The following MRAP2 variants were observed in gnomAD, a reference collection of about 807,000 sequenced individuals.
MRAP2 encodes melanocortin-2 receptor accessory protein 2.
MRAP2 carries 20 observed loss-of-function variants against 17.4 expected under a neutral mutation model. The ratio of observed to expected loss-of-function variants is 1.15; its 90% CI spans 0.81 to 1.67. MRAP2 has a LOEUF of 1.67. Among genes scored for constraint, MRAP2 ranks in the 40% most tolerant of loss-of-function variants. The pLI is 0.00. For missense variants in MRAP2, 238 were observed against 240.0 expected (o/e 0.99, Z 0.05); for synonymous variants, 96 against 88.4 (o/e 1.09, Z -0.48).
the MRAP2 span, among the ~76,000 whole-genome samples, chr6:84,114,920 G>T: frequency 1.3e-5 from 2 of 152,198 alleles, no homozygotes; most frequent in Non-Finnish European, 2.9e-5. Flanking sequence ...GAACAGCAAA[G>T]ATTGCTGCCT....
the MRAP2 span, among the ~76,000 whole-genome samples, chr6:84,139,775 G>T: frequency 1.3e-5 from 2 of 152,204 alleles, no homozygotes; most frequent in African/African-American, 4.8e-5. Context: ...TGACTCTTGT[G>T]GGTTTGGTTT....
intron 1 of MRAP2, among the ~76,000 whole-genome samples, chr6:84,048,095 T>G (rs2099489498): frequency 6.6e-6 from 1 of 152,248 alleles, no homozygotes; most frequent in South Asian, 2.1e-4. Context: ...TATGAATATC[T>G]GTTCAAGTCT....
intron 3 of MRAP2, among the ~76,000 whole-genome samples, chr6:84,076,611 C>T (rs1220556053): frequency 2.6e-5 from 4 of 152,142 alleles, no homozygotes; most frequent in African/African-American, 7.2e-5. Flanking sequence ...CCACCTGCCT[C>T]GGCCTCCCAA....
intron 1 of MRAP2, among the ~76,000 whole-genome samples, chr6:84,035,682 C>A (rs2099485784): frequency 1.3e-5 from 2 of 152,134 alleles, no homozygotes; most frequent in African/African-American, 2.4e-5. Flanking sequence ...CCATCGCTAG[C>A]TGCCCCCTTT....
chr6:84,039,937 G>C (rs2099487077), intron 1 of MRAP2, among the ~76,000 whole-genome samples: 1 of 152,074 alleles, frequency 6.6e-6, no homozygotes. Flanking sequence ...TCTATCTTCT[G>C]TGGGGAAAAA....
chr6:84,053,194 C>T (rs911291624), intron 1 of MRAP2, among the ~76,000 whole-genome samples: 3 of 152,242 alleles, frequency 2.0e-5, no homozygotes, highest in East Asian at 1.9e-4. Context: ...TCTTTATTTT[C>T]TTTATTCCTT....
intron 1 of MRAP2, among the ~76,000 whole-genome samples, chr6:84,041,574 G>A (rs532957585): frequency 2.2e-4 from 34 of 152,366 alleles, no homozygotes; most frequent in African/African-American, 8.2e-4. Flanking sequence ...AAGCCACAGG[G>A]GTGAAGCTGC....
chr6:84,102,112 T>C, the MRAP2 span, among the ~76,000 whole-genome samples: 2 of 152,048 alleles, frequency 1.3e-5, no homozygotes, highest in African/African-American at 2.4e-5. Flanking sequence ...AGGAGTGAGA[T>C]GGTCAAATGG....
At chr6:84,037,578 G>T (rs759208315) in intron 1 of MRAP2, among the ~76,000 whole-genome samples, 29 of 152,170 alleles carry the variant, frequency 1.9e-4, no homozygotes, top group Non-Finnish European at 3.5e-4. Context: ...ACCACGGGGT[G>T]GGGGGCTGGG....
At chr6:84,062,465 C>A (rs1752934917) in intron 2 of MRAP2, 1 of 881,246 alleles carries the variant, frequency 1.1e-6, no homozygotes, top group African/African-American at 1.8e-5. Flanking sequence ...GTTTTCCTTG[C>A]ACAGTTAATA....
chr6:84,040,651 C>T (rs572163244), intron 1 of MRAP2, among the ~76,000 whole-genome samples: 9 of 152,216 alleles, frequency 5.9e-5, no homozygotes, highest in Non-Finnish European at 1.0e-4. Context: ...GAGGTGGTCT[C>T]AGATAGAGAT....
the MRAP2 span, among the ~76,000 whole-genome samples, chr6:84,099,810 A>G: frequency 0.05 from 7,662 of 152,006 alleles, 656 homozygotes; most frequent in African/African-American, 0.18. Flanking sequence ...ATTCCTTTGT[A>G]CTAATGCAAA....
chr6:84,073,839 T>A (rs1262162968), intron 3 of MRAP2, among the ~76,000 whole-genome samples: 2 of 151,974 alleles, frequency 1.3e-5, no homozygotes, highest in Non-Finnish European at 2.9e-5. Context: ...CAACACAAAT[T>A]CGTAAATTTG....
chr6:84,069,026 ATGATC>A (rs2099495520), intron 3 of MRAP2, among the ~76,000 whole-genome samples: 6 of 151,924 alleles, frequency 3.9e-5, no homozygotes, highest in Non-Finnish European at 8.8e-5. Context: ...GGGTTTGCTG[ATGATC>A]ATATCGTCAG....
chr6:84,064,852 A>G (rs1170403993), intron 3 of MRAP2, among the ~76,000 whole-genome samples: 2 of 152,002 alleles, frequency 1.3e-5, no homozygotes, highest in African/African-American at 4.8e-5. Flanking sequence ...GCTCTCTTTC[A>G]TGGTTGTGTC....
At chr6:84,070,237 G>A (rs1266501501) in intron 3 of MRAP2, among the ~76,000 whole-genome samples, 1 of 152,054 alleles carries the variant, frequency 6.6e-6, no homozygotes, top group Non-Finnish European at 1.5e-5. Flanking sequence ...TTAGGGTTAT[G>A]AACTTTCCTC....
At chr6:84,080,594 T>C (rs2497140) in intron 3 of MRAP2, among the ~76,000 whole-genome samples, 49,667 of 151,948 alleles carry the variant, frequency 0.33, 10,687 homozygotes, top group African/African-American at 0.62. Context: ...TTGGAGGGAG[T>C]GGCTCTCAGG....
chr6:84,125,488 T>C, the MRAP2 span, among the ~76,000 whole-genome samples: 1 of 152,080 alleles, frequency 6.6e-6, no homozygotes, highest in African/African-American at 2.4e-5. Context: ...CAAATTCATA[T>C]GTTGAATTTC....
At chr6:84,074,941 T>C (rs941058143) in intron 3 of MRAP2, among the ~76,000 whole-genome samples, 1 of 152,276 alleles carries the variant, frequency 6.6e-6, no homozygotes, top group South Asian at 2.1e-4. Context: ...CACTAACTAC[T>C]TAGTGGCTTC....
Sources: allele counts gnomAD v4.1 joint callset (sites outside exome capture counted in the v4.1 genomes callset), GRCh38; gene constraint gnomAD v4.1.1; transcripts MANE v1.5; gene names NCBI Gene and HGNC (gene_info 2026-07-23, HGNC 2026-07-21).